The following ACOT6 variants were observed in gnomAD, a reference collection of about 807,000 sequenced individuals.
The protein encoded by ACOT6 is acyl-CoA thioesterase 6.
In ACOT6, 14 loss-of-function variants were observed where a neutral mutation model predicts 12.3. The ratio of observed to expected loss-of-function variants is 1.14; its 90% confidence interval spans 0.75 to 1.78. The LOEUF (loss-of-function observed/expected upper bound fraction) is 1.78. Among genes scored for constraint, ACOT6 ranks in the 40% most tolerant of loss-of-function variants. The probability of loss-of-function intolerance (pLI) is 0.00; values close to 1 mark genes in which losing one functional copy is unlikely to be tolerated. For synonymous variants in ACOT6, 218 were observed against 231.3 expected (o/e 0.94, Z 0.52); for missense variants, 523 against 551.8 (o/e 0.95, Z 0.52).
In ACOT6 at chr14:73,617,155, T is replaced by A; in HGVS notation, c.623T>A (p.Phe208Tyr). 6.2e-7 allele frequency: 1 copy of A among 1,614,166 alleles called. No individual in the cohort carries two copies. Among genetic ancestry groups the A allele is most frequent in the East Asian group, 2.2e-5 (1 of 44,882 alleles). The change falls in exon 2 of 3, where the codon TTT becomes TAT. Residue 208 changes from phenylalanine to tyrosine, a missense_variant. Phe to Tyr is a conservative substitution (Grantham distance 22, BLOSUM62 3). Around this residue, in one of 2 missense-constraint regions of ACOT6, gnomAD observed 219 missense variants for 277.0 expected, o/e 0.79. Transcript: ENST00000645972. Reference sequence around the variant, plus strand: ...CTGAATGATGTACATCTGGAGTACTTTGAAGAAGCCGTGGACTTTATGCTG... The same window carrying A: ...CTGAATGATGTACATCTGGAGTACTATGAAGAAGCCGTGGACTTTATGCTG... ...EDLNDVHLEY[F>Y]EEAVDFMLQH... is the part of the protein sequence containing the mutation.
At chr14:73,613,886 C>T (rs1431806603) in intron 1 of ACOT6, among the ~76,000 whole-genome samples, 1 of 152,020 alleles carries the variant, frequency 6.6e-6, no homozygotes, top group African/African-American at 2.4e-5. Flanking sequence ...CTGACTTAAA[C>T]CTCTACCATA....
At chr14:73,614,508 G>A (rs1352472197) in intron 1 of ACOT6, among the ~76,000 whole-genome samples, 1 of 151,978 alleles carries the variant, frequency 6.6e-6, no homozygotes. Context: ...GGGAGGCTGA[G>A]GTGGGTGGAT....
Position 73,616,721 on chromosome 14 carries a change from C to G in ACOT6, c.462-273C>G, listed in dbSNP as rs377145203. The stretch of plus-strand genomic sequence containing the variant: ...AAAATTTTTTTTTTAATTTCAATAC[C>G]TTTTGGTGTACAGGTGGTTTGGGGT... On this transcript the variant is annotated intron_variant, in intron 1 of 2. Coordinates refer to ENST00000645972, the MANE Select transcript of ACOT6 (RefSeq NM_001365788.1). 25 of 284,788 alleles carry G rather than the reference C, an allele frequency of 8.8e-5. No individual in the cohort carries two copies. In the South Asian group the frequency reaches 1.0e-3, roughly 11 times the overall value. The allele number at this position is 284,788 out of a possible 1,614,324, so 17.6% of individuals were successfully genotyped here. A position where few individuals can be genotyped will look rare whatever the true frequency, so the allele number is the denominator to read the frequency against.
At chr14:73,617,282 T>C (rs1890556961) in intron 2 of ACOT6, 90 bp downstream of exon 2, 4 of 1,540,958 alleles carry the variant, frequency 2.6e-6, no homozygotes, top group Non-Finnish European at 3.6e-6. Context: ...CACTGAGAAC[T>C]AGAAACATGC....
rs1372137892 is a variant in ACOT6 at position 73,619,452 on chromosome 14, G to A, written c.879G>A (p.Met293Ile). 6.2e-7 allele frequency: 1 copy of A among 1,614,154 alleles called. No individual in the cohort carries two copies. Among genetic ancestry groups the A allele is most frequent in the Non-Finnish European group, 8.5e-7 (1 of 1,180,034 alleles). ...CTAAGTCAGGATTTCTCACTTTTAT[G>A]GACACTTGGAGCAATCCACTGGAGG... ...KITKSGFLTF[M>I]DTWSNPLEEH... is the part of the protein sequence containing the mutation. Residue 293 changes from methionine (M) to isoleucine (I), a missense_variant, in exon 3 of 3, where the codon ATG becomes ATA. This residue lies in a region of ACOT6 where 219 missense variants were observed against 277.0 expected (regional missense o/e 0.79). Transcript: ENST00000645972.
intron 1 of ACOT6, among the ~76,000 whole-genome samples, chr14:73,616,340 T>C (rs925366471): frequency 2.6e-5 from 4 of 151,786 alleles, no homozygotes; most frequent in East Asian, 1.9e-4. Flanking sequence ...ATTTTTGAGA[T>C]AGAGTCTCAC....
chr14:73,612,605 C>A lies in ACOT6; in HGVS notation c.34C>A (p.Arg12Ser), dbSNP rs536382281. Residue 12 changes from arginine to serine, a missense_variant, in exon 1 of 3, where the codon CGC becomes AGC. Transcript: ENST00000645972. ...AATLILEPAG[R>S]CCWDEPLRIA... ...GACGCTGATCCTGGAGCCCGCGGGC[C>A]GCTGCTGCTGGGACGAGCCGCTGCG... is the stretch of plus-strand genomic sequence containing the variant. 475 of 1,417,092 alleles carry A rather than the reference C, an allele frequency of 3.4e-4. 6 individuals are homozygous for A. The South Asian group carries it at 6.2e-3, about 19-fold the overall frequency. 87.8% of individuals were successfully genotyped at this position (1,417,092 alleles called of 1,614,324 possible). A position where few individuals can be genotyped will look rare whatever the true frequency, so the allele number is the denominator to read the frequency against.
chr14:73,611,964 C>T (rs536057119), upstream of ACOT6, among the ~76,000 whole-genome samples: 92 of 152,198 alleles, frequency 6.0e-4, no homozygotes, highest in African/African-American at 2.0e-3. Flanking sequence ...CTGTATCTCT[C>T]TCAATCCTTT....
chr14:73,612,504 C>A, upstream of ACOT6: 2 of 1,086,058 alleles, frequency 1.8e-6, no homozygotes, highest in Non-Finnish European at 1.2e-6. Context: ...TTCCAGCGCT[C>A]GGCAAAGCCG....
At chr14:73,617,383 G>A (rs1890558140) in intron 2 of ACOT6, among the ~76,000 whole-genome samples, 191 bp downstream of exon 2, 1 of 152,138 alleles carries the variant, frequency 6.6e-6, no homozygotes, top group South Asian at 2.1e-4. Flanking sequence ...GGGAGGCTGA[G>A]GCCGGGGGAT....
At chr14:73,614,606 G>T (rs1226298819) in intron 1 of ACOT6, among the ~76,000 whole-genome samples, 5 of 151,916 alleles carry the variant, frequency 3.3e-5, no homozygotes, top group African/African-American at 1.2e-4. Flanking sequence ...AATTAGCCAG[G>T]CATAGTGGCT....
Position 73,617,197 on chromosome 14 carries a change from G to T in ACOT6, c.660+5G>T. 6.2e-7 allele frequency: 1 copy of T among 1,614,070 alleles called. No homozygotes were observed. The highest frequency in any genetic ancestry group is 8.5e-7 in the Non-Finnish European group (1 of 1,180,026). The stretch of plus-strand genomic sequence containing the variant: ...TTTATGCTGCAGCATCCAAAGGTGC[G>T]TTCTGGTGATCACCTGAGTGCAGAA... On this transcript the variant is annotated splice_donor_5th_base_variant and intron_variant, in intron 2 of 2. Transcript: ENST00000645972.
At chr14:73,613,794 T>C (rs1431612752) in intron 1 of ACOT6, among the ~76,000 whole-genome samples, 1 of 152,096 alleles carries the variant, frequency 6.6e-6, no homozygotes, top group Non-Finnish European at 1.5e-5. Context: ...TGAGGAACCC[T>C]AGTCTAAGTA....
At chr14:73,612,430 GC>G (rs1890457788), upstream of ACOT6, 1 of 510,792 alleles carries the variant, frequency 2.0e-6, no homozygotes, top group Non-Finnish European at 3.1e-6. Context: ...CCACGCAGCG[GC>G]CTGGAGCCTG....
chr14:73,612,777 G>A lies in ACOT6; in HGVS notation c.206G>A (p.Gly69Glu), dbSNP rs1890469437. Residue 69 changes from glycine (G) to glutamate (E), a missense_variant, in exon 1 of 3, where the codon GGA becomes GAA. Coordinates refer to ENST00000645972, the MANE Select transcript of ACOT6 (RefSeq NM_001365788.1). ...ELDLERAPAL[G>E]GSFAGLQPMG... ...GACCTGGAGCGCGCGCCCGCGCTGGGAGGCAGCTTCGCGGGGCTCCAGCCC... is the reference window on the plus strand; with the variant it reads ...GACCTGGAGCGCGCGCCCGCGCTGGAAGGCAGCTTCGCGGGGCTCCAGCCC... 1 of 1,370,990 alleles carries A rather than the reference G, an allele frequency of 7.3e-7. No homozygotes were observed. The highest frequency in any genetic ancestry group is 9.4e-7 in the Non-Finnish European group (1 of 1,067,806). The allele number at this position is 1,370,990 out of a possible 1,614,324, so 84.9% of individuals were successfully genotyped here.
At chr14:73,614,026 CAAAAAA>C (rs59411143) in intron 1 of ACOT6, among the ~76,000 whole-genome samples, 42,254 of 92,278 alleles carry the variant, frequency 0.46, 6,655 homozygotes, top group East Asian at 0.6. Context: ...TCTGTCTCTA[CAAAAAA>C]AAAAAAAAAA....
At chr14:73,611,710 CTG>C (rs1211907563), upstream of ACOT6, 1 of 152,096 alleles carries the variant, frequency 6.6e-6, no homozygotes, top group Non-Finnish European at 1.5e-5. Flanking sequence ...GATAAGAAAA[CTG>C]AATTTAGAGG....
chr14:73,619,586 C>G lies in ACOT6; in HGVS notation c.1013C>G (p.Ala338Gly), dbSNP rs754191972. Residue 338 changes from alanine to glycine, a missense_variant, in exon 3 of 3, where the codon GCC becomes GGC. Ala to Gly is a moderately conservative substitution (Grantham distance 60, BLOSUM62 0). Coordinates refer to ENST00000645972, the MANE Select transcript of ACOT6 (RefSeq NM_001365788.1). The stretch of plus-strand genomic sequence containing the variant: ...AAGAGTGAATTCTATGCTCAGATAG[C>G]CTCTGAAAGGCTACAAGCTCATGGG... ...SWKSEFYAQI[A>G]SERLQAHGKE... 6.8e-6 allele frequency: 11 copies of G among 1,614,074 alleles called. No individual in the cohort carries two copies. Among genetic ancestry groups the G allele is most frequent in the African/African-American group, 2.7e-5 (2 of 74,926 alleles).
intron 1 of ACOT6, 143 bp from the exon 2 acceptor site, chr14:73,616,851 T>C: frequency 1.7e-6 from 1 of 575,784 alleles, no homozygotes; most frequent in African/African-American, 1.9e-5. Flanking sequence ...CTCTATATTA[T>C]CATTATTGTT....
Sources: gnomAD v4.1 joint callset for allele counts (sites outside exome capture counted in the v4.1 genomes callset) on GRCh38, gnomAD v4.1.1 for gene constraint, gnomAD v4.1.1 regional missense constraint, MANE v1.5 for transcripts, NCBI Gene and HGNC (gene_info 2026-07-23, HGNC 2026-07-21) for gene names.